TCF7L2: variants seen among roughly 807,000 people sequenced by gnomAD.
TCF7L2 encodes the protein transcription factor 7 like 2.
In TCF7L2, 23 loss-of-function variants were observed where a neutral mutation model predicts 77.9. The observed-to-expected ratio is 0.30, with a 90% CI of 0.21 to 0.42. The LOEUF (loss-of-function observed/expected upper bound fraction) is 0.42, where lower values mean the gene tolerates loss of function less well. Ranked by LOEUF, TCF7L2 falls within the 10% of genes least tolerant of loss-of-function variation. The pLI is 1.00. For missense variants in TCF7L2, 654 were observed against 793.1 expected, an observed-to-expected ratio of 0.82 and a Z score of 2.11; for synonymous variants, 413 against 340.2, an observed-to-expected ratio of 1.21 and a Z score of -2.36.
chr10:112,982,558 C>A (rs1215446031), intron 4 of TCF7L2, among the ~76,000 whole-genome samples: 1 of 152,086 alleles, frequency 6.6e-6, no homozygotes, highest in East Asian at 1.9e-4. Flanking sequence ...TTGCTTAGTA[C>A]CTCATAGCGG....
chr10:113,106,799 A>G (rs2062382863), intron 5 of TCF7L2, among the ~76,000 whole-genome samples: 1 of 152,218 alleles, frequency 6.6e-6, no homozygotes, highest in East Asian at 1.9e-4. Context: ...GTATTTGGGA[A>G]TCTTTTTATA....
At chr10:112,972,509 AC>A (rs2038488763) in intron 4 of TCF7L2, among the ~76,000 whole-genome samples, 1 of 152,126 alleles carries the variant, frequency 6.6e-6, no homozygotes, top group Non-Finnish European at 1.5e-5. Context: ...TCACTCTGTC[AC>A]CCAGGCTGGA....
At chr10:113,028,243 G>A (rs1274861961) in intron 4 of TCF7L2, among the ~76,000 whole-genome samples, 1 of 152,174 alleles carries the variant, frequency 6.6e-6, no homozygotes, top group African/African-American at 2.4e-5. Flanking sequence ...TCCTGGGTTA[G>A]GAGTAATTTG....
chr10:113,126,725 C>G, intron 5 of TCF7L2: 1 of 985,990 alleles, frequency 1.0e-6, no homozygotes, highest in Non-Finnish European at 1.2e-6. Flanking sequence ...TGCTGCTCCC[C>G]TGTGCCGCGG....
chr10:112,973,108 A>G (rs1375314850), intron 4 of TCF7L2, among the ~76,000 whole-genome samples: 2 of 152,076 alleles, frequency 1.3e-5, no homozygotes, highest in Admixed American at 6.6e-5. Context: ...CTCCTTGGAG[A>G]TTCTCATTTA....
rs2134177703 is a variant in TCF7L2, at chr10:112,950,853, G to C, written c.97G>C (p.Glu33Gln). Residue 33 changes from glutamate (E) to glutamine (Q), a missense_variant, in exon 1 of 14, where the codon GAA becomes CAA. Physicochemically the swap from Glu to Gln is conservative, Grantham distance 29. Around this residue, in one of 6 missense-constraint regions of TCF7L2, gnomAD observed 37 missense variants for 48.1 expected, o/e 0.77. Transcript: ENST00000627217. The stretch of plus-strand genomic sequence containing the variant: ...GGGCGAACAGGAGGAGAAGAGCTCC[G>C]AAAACTCCTCGGCAGAGAGGGATTT... The C allele has an allele frequency of 6.2e-7, 1 of 1,610,124 alleles. No individual in the cohort carries two copies. Among genetic ancestry groups the C allele is most frequent in the Non-Finnish European group, 8.5e-7 (1 of 1,178,364 alleles).
chr10:113,135,301 C>T lies in TCF7L2; in HGVS notation c.553-5883C>T, dbSNP rs532537853. Among the ~76,000 whole-genome samples the T allele has an allele frequency of 1.2e-4, 19 of 152,232 alleles. No individual in the cohort carries two copies. The South Asian group carries it at 3.9e-3, about 32-fold the overall frequency. Reference sequence around the variant, plus strand: ...CAGGGGCGCCTCCCCCTCCCCATTCCCCCCCACTGTAGTCGATGAATACGA... The same window carrying T: ...CAGGGGCGCCTCCCCCTCCCCATTCTCCCCCACTGTAGTCGATGAATACGA... On this transcript the variant is annotated intron_variant, in intron 5 of 13. Transcript: ENST00000627217.
chr10:113,129,801 G>C, intron 5 of TCF7L2: 1 of 1,286,902 alleles, frequency 7.8e-7, no homozygotes, highest in Non-Finnish European at 1.0e-6. Flanking sequence ...AACTGGCCCA[G>C]TCCCATCTCG....
intron 5 of TCF7L2, among the ~76,000 whole-genome samples, chr10:113,103,154 G>A (rs1029702118): frequency 6.6e-6 from 1 of 152,102 alleles, no homozygotes; most frequent in Admixed American, 6.5e-5. Flanking sequence ...TTTGAAGGCT[G>A]GGTCTTCAAA....
chr10:113,145,114 GTT>G (rs71007415), intron 7 of TCF7L2, among the ~76,000 whole-genome samples: 334 of 146,258 alleles, frequency 2.3e-3, no homozygotes, highest in African/African-American at 7.5e-3. Flanking sequence ...ATTCTATGCT[GTT>G]TTTTTTTTTT....
At position 112,999,553 on chromosome 10, in the gene TCF7L2, G is replaced by A. The variant is rs1444791537; in HGVS notation, c.450+34929G>A. Among the ~76,000 whole-genome samples, 4 of 152,224 alleles carry A rather than the reference G, an allele frequency of 2.6e-5. No individual in the cohort carries two copies. The East Asian group carries it at 7.7e-4, about 29-fold the overall frequency. On this transcript the variant is annotated intron_variant, in intron 4 of 13. Coordinates refer to ENST00000627217, the MANE Select transcript of TCF7L2 (RefSeq NM_001146274.2). ...CTACCCAAAAGATGAAGTTCTCTGT[G>A]AGGGGCTTGAACACAGGTTGATAGC...
intron 5 of TCF7L2, among the ~76,000 whole-genome samples, chr10:113,115,494 T>A (rs1469173031): frequency 6.6e-6 from 1 of 152,168 alleles, no homozygotes; most frequent in African/African-American, 2.4e-5. Flanking sequence ...CTCATTTGTT[T>A]GTCATTTAGC....
chr10:113,066,618 C>T (rs544820975), intron 5 of TCF7L2, among the ~76,000 whole-genome samples: 1 of 152,092 alleles, frequency 6.6e-6, no homozygotes, highest in Non-Finnish European at 1.5e-5. Flanking sequence ...CACTTTTGAT[C>T]AAAAATGGGT....
At chr10:113,128,164 CA>C (rs2065969104) in intron 5 of TCF7L2, among the ~76,000 whole-genome samples, 1 of 151,848 alleles carries the variant, frequency 6.6e-6, no homozygotes, top group African/African-American at 2.4e-5. Flanking sequence ...TTGTTACCAC[CA>C]TGTAAAGGGA....
chr10:113,028,318 G>C (rs1481473477), intron 4 of TCF7L2, among the ~76,000 whole-genome samples: 1 of 152,108 alleles, frequency 6.6e-6, no homozygotes, highest in Non-Finnish European at 1.5e-5. Context: ...TTGCATGCAG[G>C]GGGGTCGTGG....
At chr10:113,131,654 C>A (rs114146913) in intron 5 of TCF7L2, among the ~76,000 whole-genome samples, 6 of 152,182 alleles carry the variant, frequency 3.9e-5, no homozygotes, top group Non-Finnish European at 8.8e-5. Flanking sequence ...GTATTATGAT[C>A]TCTGTATTGT....
intron 3 of TCF7L2, among the ~76,000 whole-genome samples, chr10:112,956,027 C>T (rs1475313700): frequency 1.3e-5 from 2 of 151,842 alleles, no homozygotes; most frequent in African/African-American, 2.4e-5. Context: ...CTCTTACACA[C>T]GTGCAGTGGG....
chr10:113,145,938 C>G, intron 7 of TCF7L2, 73 bp from the exon 8 acceptor site: 1 of 1,302,672 alleles, frequency 7.7e-7, no homozygotes, highest in Non-Finnish European at 1.1e-6. Flanking sequence ...GAGAACTTTT[C>G]CCTTTTCTTC....
At chr10:113,055,689 C>CT (rs1415169069) in intron 5 of TCF7L2, among the ~76,000 whole-genome samples, 1 of 152,220 alleles carries the variant, frequency 6.6e-6, no homozygotes, top group African/African-American at 2.4e-5. Flanking sequence ...AGAGGTCCTC[C>CT]TGCCCCAGCC....
Sources: allele counts gnomAD v4.1 joint callset (sites outside exome capture counted in the v4.1 genomes callset), GRCh38; gene constraint gnomAD v4.1.1; regional missense constraint gnomAD v4.1.1; transcripts MANE v1.5; gene names NCBI Gene and HGNC (gene_info 2026-07-23, HGNC 2026-07-21).